The following SOS1 variants were observed in gnomAD, a reference collection of about 807,000 sequenced individuals.
SOS1 encodes the protein son of sevenless homolog 1.
SOS1 carries 25 observed loss-of-function variants against 157.6 expected under a neutral mutation model. That is an observed-to-expected ratio of 0.16 (90% confidence interval 0.12 to 0.22). SOS1 has a LOEUF of 0.22. SOS1 is among the 10% of genes least tolerant of loss of function. The pLI, the probability that SOS1 is intolerant of heterozygous loss-of-function variation, is 1.00. For synonymous variants in SOS1, 528 were observed against 534.0 expected, an observed-to-expected ratio of 0.99 and a Z score of 0.16; for missense variants, 1,237 against 1,599.1, an observed-to-expected ratio of 0.77 and a Z score of 3.86.
At chr2:39,036,821 C>T (rs6544189) in intron 6 of SOS1, among the ~76,000 whole-genome samples, 134,269 of 151,956 alleles carry the variant, frequency 0.88, 59,471 homozygotes, top group Non-Finnish European at 0.92. Flanking sequence ...GTGATCCGCC[C>T]GCCTCGGCCT....
In SOS1 at chr2:38,982,295, T is replaced by C. The variant is rs1572792884; in HGVS notation, c.*3529A>G. On this transcript the variant is annotated 3_prime_UTR_variant, in exon 23 of 23. Coordinates refer to ENST00000402219, the MANE Select transcript of SOS1 (RefSeq NM_005633.4). The stretch of plus-strand genomic sequence containing the variant: ...GCTTTTGTTGTTTAGATTTATAATA[T>C]AGACTTCATGCTTCTTAAGTAGAGC... The C allele has an allele frequency of 6.6e-6, 1 of 152,196 alleles. No individual in the cohort carries two copies. Among genetic ancestry groups the C allele is most frequent in the African/African-American group, 2.4e-5 (1 of 41,458 alleles). The allele number at this position is 152,196 out of a possible 1,614,324, so 9.4% of individuals were successfully genotyped here. A position where few individuals can be genotyped will look rare whatever the true frequency, so the allele number is the denominator to read the frequency against.
At chr2:39,052,554 C>T (rs1004340388) in intron 5 of SOS1, among the ~76,000 whole-genome samples, 1 of 152,178 alleles carries the variant, frequency 6.6e-6, no homozygotes, top group East Asian at 1.9e-4. Flanking sequence ...TAAATGGAAT[C>T]ATATATTGTC....
At chr2:39,081,234 T>C (rs1254925717) in intron 1 of SOS1, among the ~76,000 whole-genome samples, 1 of 152,072 alleles carries the variant, frequency 6.6e-6, no homozygotes, top group Admixed American at 6.5e-5. Flanking sequence ...AGAATGTTCA[T>C]AGTGGCTGGG....
At chr2:39,108,548 C>G (rs951486521) in intron 1 of SOS1, among the ~76,000 whole-genome samples, 1 of 152,150 alleles carries the variant, frequency 6.6e-6, no homozygotes, top group Non-Finnish European at 1.5e-5. Context: ...TTTCCATTCA[C>G]TCATTCATTC....
intron 5 of SOS1, among the ~76,000 whole-genome samples, chr2:39,051,874 A>C (rs529244092): frequency 6.6e-6 from 1 of 152,212 alleles, no homozygotes; most frequent in East Asian, 1.9e-4. Context: ...TTTCTGTGTA[A>C]TTTTTTTATT....
chr2:39,071,524 A>G lies in SOS1; in HGVS notation c.88-3771T>C, dbSNP rs115550213. On this transcript the variant is annotated intron_variant, in intron 1 of 22. Coordinates refer to ENST00000402219, the MANE Select transcript of SOS1 (RefSeq NM_005633.4). The stretch of plus-strand genomic sequence containing the variant: ...TCCCAATGTTTATAAGTTATATAAA[A>G]TTATATTCAAAATCTGATATAAATC... 4.4e-3 allele frequency among the ~76,000 whole-genome samples: 671 copies of G among 152,360 alleles called. 7 individuals carry two copies. Among genetic ancestry groups the G allele is most frequent in the African/African-American group, 0.015 (641 of 41,586 alleles).
chr2:39,102,962 T>C (rs1387582789), intron 1 of SOS1, among the ~76,000 whole-genome samples: 1 of 151,566 alleles, frequency 6.6e-6, no homozygotes, highest in Admixed American at 6.6e-5. Context: ...CTCAAAAAAA[T>C]AAATAACTTA....
intron 10 of SOS1, 134 bp downstream of exon 10, chr2:39,022,436 G>A (rs1669827240): frequency 2.9e-6 from 2 of 690,682 alleles, no homozygotes; most frequent in Non-Finnish European, 2.6e-6. Flanking sequence ...TATAAAGTGG[G>A]GTATTTTTAG....
At chr2:39,120,242 A>G in intron 1 of SOS1, 94 bp downstream of exon 1, 1 of 1,130,368 alleles carries the variant, frequency 8.8e-7, no homozygotes, top group Non-Finnish European at 1.2e-6. Context: ...CCGGGAAGAA[A>G]GACGGCCCTG....
intron 6 of SOS1, among the ~76,000 whole-genome samples, chr2:39,036,306 A>G (rs938037029): frequency 2.6e-5 from 4 of 152,180 alleles, no homozygotes; most frequent in Non-Finnish European, 5.9e-5. Flanking sequence ...TGAAACAACG[A>G]AAGGTTGTTA....
chr2:39,062,448 A>G (rs531135844), intron 2 of SOS1, among the ~76,000 whole-genome samples: 2,034 of 143,846 alleles, frequency 0.014, 22 homozygotes, highest in Non-Finnish European at 0.023. Context: ...AAAAAAAAAG[A>G]AAAGAAAAGA....
Position 38,985,623 on chromosome 2 carries a change from T to C in SOS1, c.*201A>G. ...GTTGTCCAATTCCTCTAGGTCGGTCTTTCCATATTCTAAACTGGAATACCA... is the reference window on the plus strand; with the variant it reads ...GTTGTCCAATTCCTCTAGGTCGGTCCTTCCATATTCTAAACTGGAATACCA... On this transcript the variant is annotated 3_prime_UTR_variant, in exon 23 of 23. Transcript: ENST00000402219. 3.2e-6 allele frequency: 2 copies of C among 633,984 alleles called. No homozygotes were observed. Among genetic ancestry groups the C allele is most frequent in the Non-Finnish European group, 5.4e-6 (2 of 370,756 alleles). The allele number at this position is 633,984 out of a possible 1,614,324, so 39.3% of individuals were successfully genotyped here.
At chr2:39,053,155 G>GAA (rs879359070) in intron 5 of SOS1, among the ~76,000 whole-genome samples, 1 of 146,524 alleles carries the variant, frequency 6.8e-6, no homozygotes, top group African/African-American at 2.5e-5. Context: ...TACGTCTCAA[G>GAA]AAAAAAAAAA....
intron 5 of SOS1, among the ~76,000 whole-genome samples, chr2:39,052,969 A>G (rs1316636772): frequency 6.6e-6 from 1 of 152,148 alleles, no homozygotes; most frequent in Non-Finnish European, 1.5e-5. Context: ...CCTGGTCAAC[A>G]TGGTGAAACC....
intron 13 of SOS1, 26 bp from the exon 14 acceptor site, chr2:39,012,374 C>T (rs1669497120): frequency 9.6e-6 from 10 of 1,045,118 alleles, no homozygotes; most frequent in African/African-American, 1.6e-5. Context: ...TTTTAAATAA[C>T]ATTTAAATAT....
intron 8 of SOS1, among the ~76,000 whole-genome samples, chr2:39,025,133 A>G (rs1468137549): frequency 6.6e-6 from 1 of 152,212 alleles, no homozygotes; most frequent in African/African-American, 2.4e-5. Flanking sequence ...GGCTGGCTGC[A>G]ATGGCCTATG....
At position 39,112,216 on chromosome 2, in the gene SOS1, C is replaced by G. The variant is rs151285411; in HGVS notation, c.87+8120G>C. On this transcript the variant is annotated intron_variant, in intron 1 of 22. Transcript: ENST00000402219. Reference sequence around the variant, plus strand: ...ACTGCCGCTACCTGCAACCAACTGTCTTCTCTCCCGGCTTACCTGAACAGA... The same window carrying G: ...ACTGCCGCTACCTGCAACCAACTGTGTTCTCTCCCGGCTTACCTGAACAGA... Among the ~76,000 whole-genome samples, 474 of 152,290 alleles carry G rather than the reference C, an allele frequency of 3.1e-3. 4 individuals carry two copies. Among genetic ancestry groups the G allele is most frequent in the African/African-American group, 0.011 (453 of 41,534 alleles).
intron 8 of SOS1, among the ~76,000 whole-genome samples, chr2:39,032,311 C>T (rs1319136204): frequency 4.6e-5 from 7 of 152,132 alleles, no homozygotes; most frequent in Admixed American, 4.6e-4. Context: ...CTGGTAACCA[C>T]CATTTTATTG....
intron 17 of SOS1, among the ~76,000 whole-genome samples, chr2:38,998,991 C>T (rs942229930): frequency 3.3e-5 from 5 of 152,138 alleles, no homozygotes; most frequent in Admixed American, 1.3e-4. Context: ...ATTTGCTAAG[C>T]GCTACATACT....
Sources: allele counts gnomAD v4.1 joint callset (sites outside exome capture counted in the v4.1 genomes callset), GRCh38; gene constraint gnomAD v4.1.1; transcripts MANE v1.5; gene names NCBI Gene and HGNC (gene_info 2026-07-23, HGNC 2026-07-21).